Variants in ATF6 observed in about 807,000 individuals in gnomAD.
The protein encoded by ATF6 is cyclic AMP-dependent transcription factor ATF-6 alpha.
A neutral mutation model predicts 83.6 loss-of-function variants in ATF6; 53 were observed. The observed-to-expected ratio is 0.63, with a 90% CI of 0.51 to 0.80. The LOEUF is 0.80. Among genes scored for constraint, ATF6 ranks in the 30% least tolerant of loss-of-function variants. The pLI is 0.00. For synonymous variants in ATF6, 288 were observed against 285.8 expected, an observed-to-expected ratio of 1.01 and a Z score of -0.08; for missense variants, 744 against 797.9, an observed-to-expected ratio of 0.93 and a Z score of 0.81.
intron 7 of ATF6, among the ~76,000 whole-genome samples, chr1:161,816,333 T>C (rs1685612281): frequency 6.6e-6 from 1 of 152,232 alleles, no homozygotes; most frequent in East Asian, 1.9e-4. Flanking sequence ...GTATTGATTT[T>C]ATGTTTTCAG....
At chr1:161,774,346 A>G (rs1292419944) in intron 1 of ATF6, among the ~76,000 whole-genome samples, 3 of 151,974 alleles carry the variant, frequency 2.0e-5, no homozygotes, top group African/African-American at 7.2e-5. Flanking sequence ...TGTTATAGCA[A>G]TCCCCATGAG....
chr1:161,870,868 G>T (rs1687109171), intron 14 of ATF6, among the ~76,000 whole-genome samples: 1 of 151,798 alleles, frequency 6.6e-6, no homozygotes, highest in South Asian at 2.1e-4. Flanking sequence ...ATCCATCTGA[G>T]TCATGATAAT....
In ATF6 at chr1:161,958,708, C is replaced by T. The variant is rs1315212711; in HGVS notation, c.*54C>T. On this transcript the variant is annotated 3_prime_UTR_variant, in exon 16 of 16. Coordinates refer to ENST00000367942, the MANE Select transcript of ATF6 (RefSeq NM_007348.4). ...CGTGGGACCCTGCCAGACTGAAGAG[C>T]AGGTGAGCAAAATGCTGCTTTCTGC... The T allele has an allele frequency of 2.7e-6, 4 of 1,461,488 alleles. 1 individual carries two copies. Among genetic ancestry groups the T allele is most frequent in the East Asian group, 4.7e-5 (2 of 42,720 alleles). 90.5% of individuals were successfully genotyped at this position (1,461,488 alleles called of 1,614,324 possible).
At chr1:161,826,308 C>A (rs772999456) in intron 9 of ATF6, among the ~76,000 whole-genome samples, 21 of 151,968 alleles carry the variant, frequency 1.4e-4, no homozygotes, top group African/African-American at 4.4e-4. Flanking sequence ...GTGCCCCCAC[C>A]CACCAGACAA....
chr1:161,937,237 G>C (rs1484489728), intron 15 of ATF6, among the ~76,000 whole-genome samples: 3 of 151,762 alleles, frequency 2.0e-5, no homozygotes, highest in Non-Finnish European at 4.4e-5. Flanking sequence ...CCTGCTACTC[G>C]GGAGGCTGAG....
intron 9 of ATF6, among the ~76,000 whole-genome samples, chr1:161,841,161 A>G (rs1686348794): frequency 6.6e-6 from 1 of 152,206 alleles, no homozygotes; most frequent in Non-Finnish European, 1.5e-5. Context: ...ACTCTTTTAT[A>G]CATTTGACCA....
intron 15 of ATF6, among the ~76,000 whole-genome samples, chr1:161,943,291 C>G (rs1302671214): frequency 6.6e-6 from 1 of 152,164 alleles, no homozygotes; most frequent in Non-Finnish European, 1.5e-5. Context: ...TTATAAGCAT[C>G]TGGCATTTCC....
chr1:161,819,501 CTT>C (rs1685697989), intron 7 of ATF6, 130 bp from the exon 8 acceptor site: 1 of 607,462 alleles, frequency 1.6e-6, no homozygotes, highest in Non-Finnish European at 2.5e-6. Context: ...TTTCAAACCT[CTT>C]TTGAAACAAC....
intron 13 of ATF6, among the ~76,000 whole-genome samples, chr1:161,860,930 T>C (rs1428489251): frequency 6.6e-6 from 1 of 152,192 alleles, no homozygotes; most frequent in African/African-American, 2.4e-5. Flanking sequence ...TATGGTGTCA[T>C]GGTTAAGATG....
intron 14 of ATF6, among the ~76,000 whole-genome samples, chr1:161,893,598 A>G (rs1293234978): frequency 6.6e-6 from 1 of 152,240 alleles, no homozygotes. Context: ...GGTATTGCCT[A>G]ATAGAAAGAC....
chr1:161,884,839 G>A (rs571299947), intron 14 of ATF6, among the ~76,000 whole-genome samples: 4 of 152,144 alleles, frequency 2.6e-5, no homozygotes, highest in Non-Finnish European at 5.9e-5. Context: ...TCCATTTTAA[G>A]CATATAAATT....
chr1:161,892,475 C>T (rs1489563052), intron 14 of ATF6, among the ~76,000 whole-genome samples: 1 of 152,080 alleles, frequency 6.6e-6, no homozygotes, highest in Non-Finnish European at 1.5e-5. Flanking sequence ...TCTGTATATC[C>T]GTTTGTCTCT....
intron 6 of ATF6, among the ~76,000 whole-genome samples, chr1:161,800,987 G>A (rs572853511): frequency 2.0e-5 from 3 of 152,052 alleles, no homozygotes; most frequent in Non-Finnish European, 2.9e-5. Flanking sequence ...TTTCTGCAGC[G>A]TTAACAGCAT....
chr1:161,937,904 C>T (rs112115668), intron 15 of ATF6, among the ~76,000 whole-genome samples: 103 of 151,138 alleles, frequency 6.8e-4, no homozygotes, highest in Non-Finnish European at 1.1e-3. Context: ...AAAAAAATCA[C>T]GCCACTCCTC....
intron 9 of ATF6, among the ~76,000 whole-genome samples, chr1:161,823,369 G>A (rs973077725): frequency 9.9e-5 from 15 of 152,058 alleles, no homozygotes; most frequent in African/African-American, 3.4e-4. Context: ...ATCAGTTTTA[G>A]TTTTTCTCTA....
chr1:161,800,666 A>G (rs1178801593), intron 6 of ATF6, among the ~76,000 whole-genome samples: 4 of 152,242 alleles, frequency 2.6e-5, no homozygotes, highest in Non-Finnish European at 5.9e-5. Flanking sequence ...GGCAGCTTTC[A>G]GTCTCTGCCT....
chr1:161,817,215 T>C (rs148655089), intron 7 of ATF6, among the ~76,000 whole-genome samples: 265 of 152,334 alleles, frequency 1.7e-3, no homozygotes, highest in African/African-American at 6.1e-3. Context: ...TATTAAATGG[T>C]ATGCCATCTG....
intron 14 of ATF6, among the ~76,000 whole-genome samples, chr1:161,883,937 C>T (rs1687368715): frequency 6.6e-6 from 1 of 151,936 alleles, no homozygotes; most frequent in East Asian, 1.9e-4. Flanking sequence ...TCACTTAGGT[C>T]TGAGGCTTTT....
At chr1:161,820,663 G>A (rs534019841) in intron 8 of ATF6, among the ~76,000 whole-genome samples, 4 of 152,186 alleles carry the variant, frequency 2.6e-5, no homozygotes, top group South Asian at 4.1e-4. Flanking sequence ...CAGCAGAATC[G>A]CTTGAACCTG....
Sources: gnomAD v4.1 joint callset for allele counts (sites outside exome capture counted in the v4.1 genomes callset) on GRCh38, gnomAD v4.1.1 for gene constraint, MANE v1.5 for transcripts, NCBI Gene and HGNC (gene_info 2026-07-23, HGNC 2026-07-21) for gene names.